Variants in PROM1 observed in about 807,000 individuals in gnomAD.
The protein encoded by PROM1 is prominin 1, also known as prominin-1.
Under a neutral mutation model 116.9 loss-of-function variants are expected in PROM1, and 105 were observed. That is an observed-to-expected ratio of 0.90 (90% confidence interval 0.77 to 1.06). The LOEUF is 1.06. Ranked by LOEUF, PROM1 falls within the 50% of genes least tolerant of loss-of-function variation. The pLI is 0.00. For missense variants in PROM1, 1,122 were observed against 1,045.2 expected (o/e 1.07, Z -1.01); for synonymous variants, 393 against 387.0 (o/e 1.02, Z -0.18).
intron 9 of PROM1, among the ~76,000 whole-genome samples, chr4:16,017,987 T>C (rs564982707): frequency 6.8e-6 from 1 of 147,722 alleles, no homozygotes; most frequent in African/African-American, 2.5e-5. Context: ...TCAGCATACA[T>C]GGCTAATAGA....
intron 4 of PROM1, 123 bp downstream of exon 4, chr4:16,035,612 G>A: frequency 1.1e-6 from 1 of 951,684 alleles, no homozygotes; most frequent in Non-Finnish European, 1.7e-6. Context: ...TCAAAGAGAA[G>A]GTTAAAAGTG....
At chr4:16,055,330 T>C (rs967217133) in intron 2 of PROM1, 1 of 454,738 alleles carries the variant, frequency 2.2e-6, no homozygotes, top group Non-Finnish European at 4.4e-6. Flanking sequence ...TGTGCTGAGA[T>C]AACCTCCCAG....
chr4:16,035,398 A>T (rs148465097), intron 4 of PROM1, among the ~76,000 whole-genome samples: 1 of 152,360 alleles, frequency 6.6e-6, no homozygotes, highest in African/African-American at 2.4e-5. Flanking sequence ...CAAATTGTAC[A>T]TTTGATAACA....
intron 16 of PROM1, among the ~76,000 whole-genome samples, chr4:15,992,600 T>A (rs1057180800): frequency 1.3e-5 from 2 of 151,982 alleles, no homozygotes; most frequent in Non-Finnish European, 2.9e-5. Context: ...TTAAAAAAAA[T>A]TTTAAACATA....
intron 1 of PROM1, among the ~76,000 whole-genome samples, chr4:16,082,762 A>G (rs1367760772): frequency 2.0e-5 from 3 of 152,116 alleles, no homozygotes; most frequent in Non-Finnish European, 2.9e-5. Context: ...CGATCTTGCC[A>G]GAGAGAAGGG....
At chr4:16,031,994 A>C (rs1487921284) in intron 5 of PROM1, among the ~76,000 whole-genome samples, 1 of 152,192 alleles carries the variant, frequency 6.6e-6, no homozygotes, top group African/African-American at 2.4e-5. Flanking sequence ...AGAGACAAAA[A>C]GCCCAGCTAC....
At chr4:16,059,822 T>C (rs1197131293) in intron 2 of PROM1, among the ~76,000 whole-genome samples, 1 of 152,060 alleles carries the variant, frequency 6.6e-6, no homozygotes, top group African/African-American at 2.4e-5. Flanking sequence ...AGCAAAATGG[T>C]TGAAATTAAT....
At chr4:16,060,038 G>A (rs1478267706) in intron 2 of PROM1, among the ~76,000 whole-genome samples, 1 of 152,084 alleles carries the variant, frequency 6.6e-6, no homozygotes, top group East Asian at 1.9e-4. Flanking sequence ...ACACATGTTG[G>A]CTTCTACATG....
At chr4:16,042,489 T>G (rs1214398079) in intron 2 of PROM1, among the ~76,000 whole-genome samples, 1 of 152,176 alleles carries the variant, frequency 6.6e-6, no homozygotes, top group African/African-American at 2.4e-5. Flanking sequence ...ATGGGTACGG[T>G]GTACATTATT....
chr4:16,000,855 A>T (rs1723631616), intron 13 of PROM1, among the ~76,000 whole-genome samples: 1 of 151,284 alleles, frequency 6.6e-6, no homozygotes, highest in Admixed American at 6.6e-5. Flanking sequence ...GGGCAGCTCC[A>T]GAGCAGGCGG....
At chr4:16,081,126 C>T (rs1290266614) in intron 1 of PROM1, among the ~76,000 whole-genome samples, 1 of 151,750 alleles carries the variant, frequency 6.6e-6, no homozygotes, top group Non-Finnish European at 1.5e-5. Flanking sequence ...ATGTTTGTTA[C>T]ATGTGTATAC....
chr4:15,991,718 G>T (rs1275778867), intron 17 of PROM1, among the ~76,000 whole-genome samples: 1 of 151,342 alleles, frequency 6.6e-6, no homozygotes, highest in African/African-American at 2.4e-5. Flanking sequence ...GCAGATCACA[G>T]GGTCAAGGGA....
At chr4:15,975,761 C>G (rs1009286174) in intron 26 of PROM1, among the ~76,000 whole-genome samples, 1 of 152,216 alleles carries the variant, frequency 6.6e-6, no homozygotes, top group Non-Finnish European at 1.5e-5. Flanking sequence ...TCACTGACTG[C>G]CTGTAGACGG....
At chr4:16,014,788 A>C (rs985855446) in intron 10 of PROM1, among the ~76,000 whole-genome samples, 8 of 152,182 alleles carry the variant, frequency 5.3e-5, no homozygotes, top group African/African-American at 1.9e-4. Context: ...ACTGAACCAT[A>C]ATCTAAAAAG....
chr4:16,018,656 G>A, intron 8 of PROM1, 116 bp from the exon 9 acceptor site: 1 of 860,272 alleles, frequency 1.2e-6, no homozygotes, highest in Non-Finnish European at 1.9e-6. Flanking sequence ...CAGTGAGAGG[G>A]ACACACTGCA....
chr4:16,057,983 C>T (rs1739426521), intron 2 of PROM1, among the ~76,000 whole-genome samples: 1 of 152,094 alleles, frequency 6.6e-6, no homozygotes, highest in South Asian at 2.1e-4. Flanking sequence ...TTCACTGTTT[C>T]AAAACTTCCC....
chr4:15,969,510 A>G (rs1466784028), intron 27 of PROM1, 142 bp from the exon 28 acceptor site: 1 of 152,228 alleles, frequency 6.6e-6, no homozygotes, highest in Non-Finnish European at 1.5e-5. Context: ...GCACAGCAAT[A>G]TGTTTGTTGC....
At chr4:16,013,925 A>T (rs973437683) in intron 10 of PROM1, among the ~76,000 whole-genome samples, 2 of 136,372 alleles carry the variant, frequency 1.5e-5, no homozygotes, top group Admixed American at 1.6e-4. Flanking sequence ...TTAAAAATAA[A>T]ATTAGAAATA....
intron 4 of PROM1, among the ~76,000 whole-genome samples, chr4:16,035,054 T>C (rs1733655733): frequency 2.0e-5 from 3 of 152,180 alleles, no homozygotes; most frequent in Admixed American, 2.0e-4. Flanking sequence ...ATATTAAGAT[T>C]AAATTGCTTA....
Sources: allele counts gnomAD v4.1 joint callset (sites outside exome capture counted in the v4.1 genomes callset), GRCh38; gene constraint gnomAD v4.1.1; transcripts MANE v1.5; gene names NCBI Gene and HGNC (gene_info 2026-07-23, HGNC 2026-07-21).